The following SORBS2 variants were observed in gnomAD, a reference collection of about 807,000 sequenced individuals.
The protein encoded by SORBS2 is sorbin and SH3 domain containing 2, also known as sorbin and SH3 domain-containing protein 2.
SORBS2 carries 46 observed loss-of-function variants against 97.7 expected under a neutral mutation model. That is an observed-to-expected ratio of 0.47 (90% CI 0.37 to 0.60). The LOEUF (loss-of-function observed/expected upper bound fraction) is 0.60, where lower values mean the gene tolerates loss of function less well. Ranked by LOEUF, SORBS2 falls within the 20% of genes least tolerant of loss-of-function variation. The pLI is 0.00. For synonymous variants in SORBS2, 476 were observed against 473.4 expected, an observed-to-expected ratio of 1.01 and a Z score of -0.07; for missense variants, 1,316 against 1,282.3, an observed-to-expected ratio of 1.03 and a Z score of -0.40.
intron 1 of SORBS2, among the ~76,000 whole-genome samples, chr4:185,791,429 C>T (rs2099079510): frequency 6.6e-6 from 1 of 152,044 alleles, no homozygotes; most frequent in Non-Finnish European, 1.5e-5. Context: ...TCATATAGCA[C>T]AGTGCCTGCC....
chr4:185,942,519 T>C (rs938892504), intron 1 of SORBS2, among the ~76,000 whole-genome samples: 9 of 152,054 alleles, frequency 5.9e-5, no homozygotes, highest in African/African-American at 2.2e-4. Flanking sequence ...CCCAGCTGAC[T>C]TTTGTATTTT....
In SORBS2 at chr4:185,606,678, C is replaced by T; in HGVS notation, c.2796+5102G>A. 1.0e-6 allele frequency: 1 copy of T among 985,040 alleles called. No homozygotes were observed. Among genetic ancestry groups the T allele is most frequent in the Non-Finnish European group, 1.2e-6 (1 of 829,748 alleles). 61.0% of individuals were successfully genotyped at this position (985,040 alleles called of 1,614,324 possible). ...GGTGTTTTAGGCAGTTGGGTTTCTC[C>T]TCCTCCTCCTCCTCTTCAATGTGCA... On this transcript the variant is annotated intron_variant, in intron 12 of 14. Coordinates refer to ENST00000418609, the Ensembl canonical transcript of SORBS2. This position sits in a 1 kb window ranked among gnomAD's most constrained non-coding sequence, Gnocchi z 4.3.
intron 2 of SORBS2, among the ~76,000 whole-genome samples, chr4:185,762,344 T>G (rs2098900399): frequency 1.3e-5 from 2 of 152,180 alleles, no homozygotes; most frequent in South Asian, 4.1e-4. Flanking sequence ...GTTCACCAGC[T>G]TCTTGGAAAT....
At chr4:185,787,363 T>C (rs1258339631) in intron 1 of SORBS2, among the ~76,000 whole-genome samples, 1 of 152,096 alleles carries the variant, frequency 6.6e-6, no homozygotes, top group South Asian at 2.1e-4. Context: ...AACTGATGCA[T>C]TGGGGAACAG....
intron 1 of SORBS2, among the ~76,000 whole-genome samples, chr4:185,905,427 G>A (rs528918116): frequency 6.6e-6 from 1 of 152,192 alleles, no homozygotes; most frequent in African/African-American, 2.4e-5. Context: ...TTATACAGAG[G>A]TCTACTAAAA....
At chr4:185,627,938 C>A (rs1177885307) in intron 5 of SORBS2, among the ~76,000 whole-genome samples, 2 of 152,270 alleles carry the variant, frequency 1.3e-5, no homozygotes, top group East Asian at 3.9e-4. Flanking sequence ...CAGAATGTGG[C>A]CTCTCAGGTT....
intron 2 of SORBS2, among the ~76,000 whole-genome samples, chr4:185,739,779 C>T (rs2098710998): frequency 6.6e-6 from 1 of 152,298 alleles, no homozygotes; most frequent in East Asian, 1.9e-4. Flanking sequence ...TACCAAGTTG[C>T]TTCAGAATAT....
intron 12 of SORBS2, among the ~76,000 whole-genome samples, chr4:185,597,433 AT>A (rs1262397792): frequency 6.6e-6 from 1 of 152,260 alleles, no homozygotes. Context: ...GTAAAAAAAA[AT>A]AATGGTTACA....
chr4:185,592,843 T>A (rs1390991733), intron 13 of SORBS2: 2 of 152,258 alleles, frequency 1.3e-5, no homozygotes, highest in African/African-American at 4.8e-5. Context: ...CACCTAACCT[T>A]CAGTGAGATT....
At chr4:185,711,542 TAAG>T (rs2098420702) in intron 2 of SORBS2, among the ~76,000 whole-genome samples, 1 of 152,228 alleles carries the variant, frequency 6.6e-6, no homozygotes, top group Non-Finnish European at 1.5e-5. Flanking sequence ...AACTGCAGTG[TAAG>T]TGAAGCTAAT....
chr4:185,646,939 G>C (rs898813136), intron 3 of SORBS2, among the ~76,000 whole-genome samples, 157 bp from the exon 13 acceptor site: 1 of 152,032 alleles, frequency 6.6e-6, no homozygotes, highest in East Asian at 1.9e-4. Context: ...ACATTCCCCC[G>C]CCACTGGCTC....
At chr4:185,719,730 A>G (rs73015573) in intron 2 of SORBS2, among the ~76,000 whole-genome samples, 2,450 of 152,328 alleles carry the variant, frequency 0.016, 80 homozygotes, top group African/African-American at 0.056. Context: ...CTACATTTTG[A>G]AAACAAAAGC....
At chr4:185,590,919 C>T (rs1003728459) in intron 13 of SORBS2, among the ~76,000 whole-genome samples, 2 of 152,146 alleles carry the variant, frequency 1.3e-5, no homozygotes. Context: ...ACAGTCATGT[C>T]ATTCTGCTAA....
chr4:185,667,425 A>C (rs2097629151), intron 4 of SORBS2, among the ~76,000 whole-genome samples: 1 of 152,136 alleles, frequency 6.6e-6, no homozygotes, highest in Non-Finnish European at 1.5e-5. Flanking sequence ...CTTTTAAAAA[A>C]TCCATCATAT....
At chr4:185,848,618 CTTTT>C (rs537195530) in intron 1 of SORBS2, among the ~76,000 whole-genome samples, 1 of 75,636 alleles carries the variant, frequency 1.3e-5, no homozygotes, top group Non-Finnish European at 2.3e-5. Context: ...AAGGATATCT[CTTTT>C]TTTTTTTTTT....
chr4:185,877,394 C>G (rs1429132993), intron 1 of SORBS2, among the ~76,000 whole-genome samples: 1 of 152,156 alleles, frequency 6.6e-6, no homozygotes, highest in Non-Finnish European at 1.5e-5. Context: ...AATTCAAATG[C>G]ATTTGCAAAC....
intron 4 of SORBS2, among the ~76,000 whole-genome samples, chr4:185,643,506 T>A (rs1363364978): frequency 6.6e-6 from 1 of 152,164 alleles, no homozygotes; most frequent in Non-Finnish European, 1.5e-5. Context: ...AAAGATTTTC[T>A]AAAGATTGCC....
chr4:185,718,276 G>A (rs558151426), intron 2 of SORBS2, among the ~76,000 whole-genome samples: 113 of 152,072 alleles, frequency 7.4e-4, no homozygotes, highest in Admixed American at 2.9e-3. Context: ...AATAGCTGGC[G>A]CAGAACAAAT....
chr4:185,928,157 T>G (rs10021784), intron 1 of SORBS2, among the ~76,000 whole-genome samples: 120,637 of 151,936 alleles, frequency 0.79, 48,100 homozygotes, highest in Middle Eastern at 0.89. Context: ...TGTAATTTCA[T>G]CACTTTGGGG....
Sources: allele counts gnomAD v4.1 joint callset (sites outside exome capture counted in the v4.1 genomes callset), GRCh38; gene constraint gnomAD v4.1.1; non-coding constraint Gnocchi (gnomAD v3.1); transcripts MANE v1.5; gene names NCBI Gene and HGNC (gene_info 2026-07-23, HGNC 2026-07-21).